Variants in RNF38 observed in about 807,000 individuals in gnomAD.
RNF38 encodes E3 ubiquitin-protein ligase RNF38.
A neutral mutation model predicts 67.2 loss-of-function variants in RNF38; 15 were observed. That is an observed-to-expected ratio of 0.22 (90% CI 0.15 to 0.34). RNF38 has a LOEUF of 0.34. RNF38 is among the 10% of genes least tolerant of loss of function. The pLI is 1.00. For synonymous variants in RNF38, 220 were observed against 218.8 expected, an observed-to-expected ratio of 1.01 and a Z score of -0.05; for missense variants, 524 against 639.9, an observed-to-expected ratio of 0.82 and a Z score of 1.95.
intron 1 of RNF38, among the ~76,000 whole-genome samples, chr9:36,480,999 C>CT (rs1410506733): frequency 2.6e-5 from 4 of 150,956 alleles, no homozygotes; most frequent in Admixed American, 6.6e-5. Flanking sequence ...GCAGTGATAG[C>CT]TTTTTTTCTT....
At chr9:36,357,675 T>C (rs1834229876) in intron 5 of RNF38, 100 bp downstream of exon 5, 2 of 822,004 alleles carry the variant, frequency 2.4e-6, no homozygotes, top group African/African-American at 1.7e-5. Context: ...ATAATGCAGT[T>C]AGCCCCTCTA....
chr9:36,474,712 G>T (rs1422696579), intron 1 of RNF38, among the ~76,000 whole-genome samples: 1 of 148,014 alleles, frequency 6.8e-6, no homozygotes, highest in East Asian at 2.2e-4. Context: ...ACTTAGAATA[G>T]AACCTTAAAT....
intron 3 of RNF38, among the ~76,000 whole-genome samples, chr9:36,373,836 G>C (rs1380941613): frequency 1.3e-5 from 2 of 151,514 alleles, no homozygotes; most frequent in Non-Finnish European, 2.9e-5. Flanking sequence ...GCCTAGGCTG[G>C]AGTGCAATGC....
chr9:36,418,792 C>T (rs1228502964), intron 2 of RNF38, among the ~76,000 whole-genome samples: 8 of 151,022 alleles, frequency 5.3e-5, no homozygotes, highest in African/African-American at 1.9e-4. Flanking sequence ...TCTCAAAAAA[C>T]AACAACAACA....
intron 1 of RNF38, among the ~76,000 whole-genome samples, chr9:36,397,749 A>G (rs193023576): frequency 4.6e-4 from 70 of 152,302 alleles, no homozygotes; most frequent in Non-Finnish European, 8.5e-4. Flanking sequence ...AATAAAGGGT[A>G]GGAAAAATAA....
At chr9:36,454,273 G>A (rs1466565335) in intron 1 of RNF38, among the ~76,000 whole-genome samples, 3 of 151,582 alleles carry the variant, frequency 2.0e-5, no homozygotes, top group African/African-American at 4.8e-5. Context: ...ACAGGCATCC[G>A]CCACCATGCC....
intron 9 of RNF38, among the ~76,000 whole-genome samples, chr9:36,346,179 A>G (rs992738398): frequency 1.3e-5 from 2 of 152,248 alleles, no homozygotes; most frequent in Admixed American, 6.5e-5. Flanking sequence ...GAACTTTAAC[A>G]TATTTGATGT....
At chr9:36,375,558 G>A (rs1835727364) in intron 3 of RNF38, among the ~76,000 whole-genome samples, 2 of 152,162 alleles carry the variant, frequency 1.3e-5, no homozygotes, top group Admixed American at 1.3e-4. Context: ...GAAGGAAAAG[G>A]AATGGAGTAG....
At chr9:36,421,189 T>C (rs188653689) in intron 2 of RNF38, among the ~76,000 whole-genome samples, 164 of 152,318 alleles carry the variant, frequency 1.1e-3, no homozygotes, top group Middle Eastern at 6.8e-3. Context: ...GCCTGAAAGA[T>C]AGGCAAAGAC....
chr9:36,351,037 G>T, intron 9 of RNF38, 78 bp downstream of exon 9: 1 of 1,022,212 alleles, frequency 9.8e-7, no homozygotes, highest in Non-Finnish European at 1.5e-6. Flanking sequence ...TTGGACACCT[G>T]TGGTTTAAAG....
intron 1 of RNF38, among the ~76,000 whole-genome samples, chr9:36,446,636 G>A (rs528249071): frequency 1.1e-4 from 17 of 149,314 alleles, no homozygotes; most frequent in South Asian, 6.4e-4. Flanking sequence ...GTGAAACCCC[G>A]TCTCTACTAA....
intron 1 of RNF38, among the ~76,000 whole-genome samples, chr9:36,397,107 T>G (rs558617712): frequency 9.0e-5 from 12 of 133,962 alleles, no homozygotes; most frequent in East Asian, 2.0e-4. Context: ...ATGTTTTGTT[T>G]TTTTTTTTTT....
intron 2 of RNF38, among the ~76,000 whole-genome samples, chr9:36,422,369 A>G (rs1332210141): frequency 6.6e-6 from 1 of 152,104 alleles, no homozygotes; most frequent in African/African-American, 2.4e-5. Context: ...GTGAGCCAAG[A>G]CTGTACCACT....
At chr9:36,405,409 T>TA (rs1838153502), upstream of RNF38, among the ~76,000 whole-genome samples, 1 of 152,258 alleles carries the variant, frequency 6.6e-6, no homozygotes, top group Admixed American at 6.5e-5. Context: ...CAGCCCATTT[T>TA]AGGCTTACTG....
At chr9:36,482,125 C>T (rs1412304769) in intron 1 of RNF38, among the ~76,000 whole-genome samples, 3 of 147,552 alleles carry the variant, frequency 2.0e-5, no homozygotes, top group Non-Finnish European at 4.4e-5. Context: ...GCAATCTCAG[C>T]TTACAGCAAC....
chr9:36,487,650 G>A (rs930363571), upstream of RNF38: 4 of 891,812 alleles, frequency 4.5e-6, no homozygotes, highest in Non-Finnish European at 4.0e-6. Flanking sequence ...CGGTGGCGGC[G>A]ACGGAGGCGG....
At chr9:36,437,275 A>G (rs1839092695) in intron 1 of RNF38, among the ~76,000 whole-genome samples, 1 of 152,228 alleles carries the variant, frequency 6.6e-6, no homozygotes. Context: ...ATATCTTACA[A>G]TTAAAATATC....
chr9:36,341,451 A>T (rs1563990759), intron 11 of RNF38, among the ~76,000 whole-genome samples: 3 of 151,832 alleles, frequency 2.0e-5, no homozygotes, highest in African/African-American at 7.3e-5. Flanking sequence ...ATTTGACTAT[A>T]TTTTTTTTAT....
intron 1 of RNF38, among the ~76,000 whole-genome samples, chr9:36,440,334 A>C (rs1839165911): frequency 6.6e-6 from 1 of 152,196 alleles, no homozygotes; most frequent in South Asian, 2.1e-4. Flanking sequence ...ACCTGAGGTC[A>C]GGAGCCTGAC....
Sources: gnomAD v4.1 joint callset for allele counts (sites outside exome capture counted in the v4.1 genomes callset) on GRCh38, gnomAD v4.1.1 for gene constraint, MANE v1.5 for transcripts, NCBI Gene and HGNC (gene_info 2026-07-23, HGNC 2026-07-21) for gene names.